LHPP: variants seen among roughly 807,000 people sequenced by gnomAD.
LHPP encodes hLHPP.
Under a neutral mutation model 30.3 loss-of-function variants are expected in LHPP, and 24 were observed. The observed-to-expected ratio is 0.79, with a 90% CI of 0.57 to 1.11. The LOEUF is 1.11. Ranked by LOEUF, LHPP falls within the 50% of genes most tolerant of loss-of-function variation. LHPP has a pLI of 0.00. For missense variants in LHPP, 356 were observed against 367.2 expected (o/e 0.97, Z 0.25); for synonymous variants, 150 against 157.1 (o/e 0.95, Z 0.34).
chr10:124,516,234 C>T (rs1345433130), intron 5 of LHPP, among the ~76,000 whole-genome samples: 1 of 152,210 alleles, frequency 6.6e-6, no homozygotes, highest in Non-Finnish European at 1.5e-5. Flanking sequence ...TGTAGATGGC[C>T]GCCTTCTTGC....
At chr10:124,473,071 G>A (rs1952836411) in intron 1 of LHPP, among the ~76,000 whole-genome samples, 1 of 152,154 alleles carries the variant, frequency 6.6e-6, no homozygotes, top group Non-Finnish European at 1.5e-5. Context: ...GGGTCACCCT[G>A]TGAAAATCAA....
At chr10:124,514,753 G>T (rs1482916412) in intron 5 of LHPP, among the ~76,000 whole-genome samples, 1 of 150,080 alleles carries the variant, frequency 6.7e-6, no homozygotes, top group Non-Finnish European at 1.5e-5. Context: ...AAAAGTTTCA[G>T]TCACTATTTC....
At chr10:124,552,028 T>C (rs917597281) in intron 6 of LHPP, among the ~76,000 whole-genome samples, 3 of 152,124 alleles carry the variant, frequency 2.0e-5, no homozygotes, top group Admixed American at 2.0e-4. Context: ...GTCACCTGTC[T>C]GTCTTCCAGG....
rs138851404 is a variant in LHPP at position 124,492,014 on chromosome 10, T to C, written c.467+3439T>C. 8.2e-3 allele frequency among the ~76,000 whole-genome samples: 1,244 copies of C among 152,328 alleles called. 15 individuals are homozygous for C. Among genetic ancestry groups the C allele is most frequent in the Middle Eastern group, 0.017 (5 of 294 alleles). On this transcript the variant is annotated intron_variant, in intron 3 of 6. Coordinates refer to ENST00000368842, the MANE Select transcript of LHPP (RefSeq NM_022126.4). ...CAAAATATCCAGATTTCTGGATTCTTTTGAAGAATCAGAAGATCTGACAAT... is the reference window on the plus strand; with the variant it reads ...CAAAATATCCAGATTTCTGGATTCTCTTGAAGAATCAGAAGATCTGACAAT...
At position 124,592,533 on chromosome 10, in the gene LHPP, C is replaced by T. The variant is rs770835669; in HGVS notation, c.717-20731C>T. Among the ~76,000 whole-genome samples the T allele has an allele frequency of 1.2e-4, 18 of 152,284 alleles. No individual in the cohort carries two copies. The South Asian group carries it at 3.5e-3, about 30-fold the overall frequency. On this transcript the variant is annotated intron_variant, in intron 6 of 6. Coordinates refer to ENST00000368842, the MANE Select transcript of LHPP (RefSeq NM_022126.4). This position sits in a 1 kb window ranked among gnomAD's most constrained non-coding sequence, Gnocchi z 6.2. ...TGAGCCTAAATTGCTGCCAAGTTCC[C>T]GATTTCCCTTCCAGTCCTCAGTTTC...
Position 124,502,387 on chromosome 10 carries a change from C to T in LHPP, c.624+4259C>T, listed in dbSNP as rs187725339. Among the ~76,000 whole-genome samples the T allele has an allele frequency of 8.6e-4, 123 of 143,366 alleles. 2 individuals carry two copies. The highest frequency in any genetic ancestry group is 3.1e-3 in the African/African-American group (116 of 37,020). 94.1% of individuals were successfully genotyped at this position (143,366 alleles called of 152,430 possible). On this transcript the variant is annotated intron_variant, in intron 5 of 6. Coordinates refer to ENST00000368842, the MANE Select transcript of LHPP (RefSeq NM_022126.4). ...AGTAATTATCTTTTTTTTTTTGAGA[C>T]GGAGTCTCGCTGTGTCACCCAGGCT...
intron 6 of LHPP, among the ~76,000 whole-genome samples, chr10:124,601,276 G>T (rs139171363): frequency 6.6e-6 from 1 of 152,216 alleles, no homozygotes; most frequent in Non-Finnish European, 1.5e-5. Context: ...CGCGTCACAC[G>T]CTGCAGCGCA....
At chr10:124,563,247 G>C (rs1391684680) in intron 6 of LHPP, among the ~76,000 whole-genome samples, 1 of 151,264 alleles carries the variant, frequency 6.6e-6, no homozygotes, top group Non-Finnish European at 1.5e-5. Flanking sequence ...GGTGACGAGA[G>C]GAACTACATC....
Position 124,492,042 on chromosome 10 carries a change from G to A in LHPP, c.467+3467G>A, listed in dbSNP as rs940054967. 6.6e-5 allele frequency among the ~76,000 whole-genome samples: 10 copies of A among 152,168 alleles called. No individual in the cohort carries two copies. The South Asian group carries it at 8.3e-4, about 13-fold the overall frequency. On this transcript the variant is annotated intron_variant, in intron 3 of 6. Transcript: ENST00000368842. Reference sequence around the variant, plus strand: ...GAAGAATCAGAAGATCTGACAATACGGAGCCTCACATTCCTGCACACACAG... The same window carrying A: ...GAAGAATCAGAAGATCTGACAATACAGAGCCTCACATTCCTGCACACACAG...
intron 5 of LHPP, chr10:124,498,717 T>A: frequency 2.2e-6 from 1 of 460,264 alleles, no homozygotes; most frequent in Non-Finnish European, 4.1e-6. Flanking sequence ...CTGGCTAGAG[T>A]GCAGTGTAGT....
At chr10:124,497,178 C>A (rs573624910) in intron 4 of LHPP, among the ~76,000 whole-genome samples, 154 bp downstream of exon 4, 2 of 150,374 alleles carry the variant, frequency 1.3e-5, no homozygotes, top group Admixed American at 1.3e-4. Context: ...CTCCCCTGGC[C>A]GGGCCCTCGG....
chr10:124,583,553 G>A (rs1212660150), intron 6 of LHPP, among the ~76,000 whole-genome samples: 2 of 152,226 alleles, frequency 1.3e-5, no homozygotes, highest in Non-Finnish European at 2.9e-5. Flanking sequence ...AGGTTGCACA[G>A]AAAGTAAAGC....
chr10:124,587,738 TAA>T (rs747954796), intron 6 of LHPP, among the ~76,000 whole-genome samples: 5,818 of 52,502 alleles, frequency 0.11, 116 homozygotes, highest in South Asian at 0.24. Flanking sequence ...AGACTCCATC[TAA>T]AAAAAAAAAA....
intron 6 of LHPP, among the ~76,000 whole-genome samples, chr10:124,546,840 A>T (rs1281173424): frequency 6.6e-6 from 1 of 152,054 alleles, no homozygotes; most frequent in Non-Finnish European, 1.5e-5. Context: ...ACTTTGTTTT[A>T]TATCAGTTTT....
intron 5 of LHPP, 88 bp downstream of exon 5, chr10:124,498,216 G>A (rs1953788393): frequency 2.1e-6 from 3 of 1,462,442 alleles, no homozygotes; most frequent in Admixed American, 1.7e-5. Context: ...GACTCAGGCA[G>A]CCTGTGGGGT....
Position 124,506,682 on chromosome 10 carries a change from G to C in LHPP, c.624+8554G>C, listed in dbSNP as rs776480447. On this transcript the variant is annotated intron_variant, in intron 5 of 6. Coordinates refer to ENST00000368842, the MANE Select transcript of LHPP (RefSeq NM_022126.4). Reference sequence around the variant, plus strand: ...GGAGGATTTCAGGTTGGGGGGTAGGGAAGATTTCAGGTTGGCGGGTAGGGA... The same window carrying C: ...GGAGGATTTCAGGTTGGGGGGTAGGCAAGATTTCAGGTTGGCGGGTAGGGA... Among the ~76,000 whole-genome samples the C allele has an allele frequency of 7.4e-3, 651 of 87,510 alleles. 4 individuals are homozygous for C. The highest frequency in any genetic ancestry group is 0.014 in the Middle Eastern group (2 of 142). 57.4% of individuals were successfully genotyped at this position (87,510 alleles called of 152,430 possible). A position where few individuals can be genotyped will look rare whatever the true frequency, so the allele number is the denominator to read the frequency against.
chr10:124,589,038 G>A (rs544335820), intron 6 of LHPP, among the ~76,000 whole-genome samples: 2 of 152,334 alleles, frequency 1.3e-5, no homozygotes, highest in East Asian at 3.9e-4. Flanking sequence ...AGGGCTCCGA[G>A]ATGATCTCAT....
intron 6 of LHPP, among the ~76,000 whole-genome samples, chr10:124,569,266 T>C (rs1948545742): frequency 1.3e-5 from 2 of 152,158 alleles, no homozygotes; most frequent in South Asian, 2.1e-4. Context: ...AAGTGGGGAT[T>C]TTTTTCTCTC....
intron 1 of LHPP, among the ~76,000 whole-genome samples, chr10:124,483,767 G>T (rs1442739865): frequency 1.4e-5 from 2 of 147,618 alleles, no homozygotes; most frequent in African/African-American, 5.0e-5. Context: ...CAAAAATAAA[G>T]AAATAAAAAA....
Sources: allele counts gnomAD v4.1 joint callset (sites outside exome capture counted in the v4.1 genomes callset), GRCh38; gene constraint gnomAD v4.1.1; non-coding constraint Gnocchi (gnomAD v3.1); transcripts MANE v1.5; gene names NCBI Gene and HGNC (gene_info 2026-07-23, HGNC 2026-07-21).